Variants in NUP205 observed in about 807,000 individuals in gnomAD.
NUP205 encodes the protein nucleoporin 205, also known as nuclear pore complex protein Nup205.
In NUP205, 76 loss-of-function variants were observed where a neutral mutation model predicts 253.8. That is an observed-to-expected ratio of 0.30 (90% CI 0.25 to 0.36). The LOEUF (loss-of-function observed/expected upper bound fraction) is 0.36. NUP205 is among the 10% of genes least tolerant of loss of function. The probability of loss-of-function intolerance (pLI) is 1.00; values close to 1 mark genes in which losing one functional copy is unlikely to be tolerated. For missense variants in NUP205, 2,162 were observed against 2,425.5 expected (o/e 0.89, Z 2.28); for synonymous variants, 832 against 850.1 (o/e 0.98, Z 0.37).
intron 17 of NUP205, among the ~76,000 whole-genome samples, chr7:135,602,041 C>T (rs945530763): frequency 5.9e-5 from 9 of 152,192 alleles, no homozygotes; most frequent in African/African-American, 2.2e-4. Flanking sequence ...CGAAGTTATA[C>T]TGGCTTTCCC....
chr7:135,562,322 T>C (rs62479497), intron 1 of NUP205, among the ~76,000 whole-genome samples: 41,771 of 151,546 alleles, frequency 0.28, 6,269 homozygotes, highest in East Asian at 0.56. Context: ...TTAGCCTCCC[T>C]AAGTAGCTGG....
rs558348118 is a variant in NUP205, at chr7:135,638,454, T to C, written c.5266-103T>C. The C allele has an allele frequency of 1.6e-4, 177 of 1,091,830 alleles. 3 individuals carry two copies. In the East Asian group the frequency reaches 4.1e-3, roughly 25 times the overall value. 67.6% of individuals were successfully genotyped at this position (1,091,830 alleles called of 1,614,324 possible). ...AAAAGAATACACAGATGTGAGTCAT[T>C]TTACAAATTGATTGATAACCTTTTC... On this transcript the variant is annotated intron_variant, in intron 37 of 42. Coordinates refer to ENST00000285968, the MANE Select transcript of NUP205 (RefSeq NM_015135.3).
intron 2 of NUP205, among the ~76,000 whole-genome samples, chr7:135,572,487 C>T (rs1806024132): frequency 6.6e-6 from 1 of 152,124 alleles, no homozygotes; most frequent in African/African-American, 2.4e-5. Flanking sequence ...AAATTCTTTG[C>T]AATAGCAATA....
chr7:135,585,061 T>C lies in NUP205; in HGVS notation c.1218+54T>C. On this transcript the variant is annotated intron_variant, in intron 8 of 42. Transcript: ENST00000285968. The stretch of plus-strand genomic sequence containing the variant: ...TAGTAGAAGAATTTTATAAAATAAT[T>C]TAAAACTGATTAACCAGCTTTATGT... The C allele has an allele frequency of 2.2e-6, 3 of 1,376,512 alleles. No individual in the cohort carries two copies. In the Admixed American group the frequency reaches 7.1e-5, roughly 32 times the overall value. 85.3% of individuals were successfully genotyped at this position (1,376,512 alleles called of 1,614,324 possible). A position where few individuals can be genotyped will look rare whatever the true frequency, so the allele number is the denominator to read the frequency against.
rs768279584 is a variant in NUP205, at chr7:135,617,244, C to T, written c.3687C>T (p.Val1229=). 1.2e-6 allele frequency: 2 copies of T among 1,612,986 alleles called. No homozygotes were observed. The highest frequency in any genetic ancestry group is 2.2e-5 in the East Asian group (1 of 44,862). The part of the protein sequence containing the change: ...KNLRGQTVCN[V]KLLHRVLVAE... ...TACGGGGACAGACAGTCTGCAATGT[C>T]AAGGTGAGGATTGCTTTAAAGTACA... Residue 1229 remains valine, a synonymous_variant, in exon 26 of 43, where the codon GTC becomes GTT. Transcript: ENST00000285968.
rs773603397 is a variant in NUP205, at chr7:135,619,495, C to G, written c.4036C>G (p.Leu1346Val). ...AGAVFTLTAH[L>V]SQAVLTEQKE... ...GGCAGTGTTCACACTGACTGCTCACCTAAGCCAGGCCGTCCTCACTGAACA... is the reference window on the plus strand; with the variant it reads ...GGCAGTGTTCACACTGACTGCTCACGTAAGCCAGGCCGTCCTCACTGAACA... Residue 1346 changes from leucine (L) to valine (V), a missense_variant, in exon 29 of 43, where the codon CTA becomes GTA. Leu to Val is a conservative substitution (Grantham distance 32, BLOSUM62 1). Transcript: ENST00000285968. The G allele has an allele frequency of 6.2e-7, 1 of 1,614,052 alleles. No individual in the cohort carries two copies. The highest frequency in any genetic ancestry group is 1.7e-4 in the Middle Eastern group (1 of 5,960).
chr7:135,619,946 A>G (rs1486474893), intron 30 of NUP205, 58 bp downstream of exon 30: 1 of 957,834 alleles, frequency 1.0e-6, no homozygotes, highest in Non-Finnish European at 1.5e-6. Flanking sequence ...CTTTAAATTG[A>G]AAAAAAAAAT....
intron 7 of NUP205, among the ~76,000 whole-genome samples, chr7:135,583,019 G>A (rs1806350327): frequency 6.6e-6 from 1 of 152,180 alleles, no homozygotes; most frequent in African/African-American, 2.4e-5. Context: ...GAACCTGGGA[G>A]GCGGAGGTTG....
intron 6 of NUP205, 64 bp from the exon 7 acceptor site, chr7:135,578,687 C>G: frequency 1.7e-6 from 2 of 1,180,632 alleles, no homozygotes; most frequent in Non-Finnish European, 2.4e-6. Context: ...GGATATTATT[C>G]CTGTGTATCA....
chr7:135,625,374 T>C lies in NUP205; in HGVS notation c.4671+19T>C, dbSNP rs762234923. 1 of 1,538,882 alleles carries C rather than the reference T, an allele frequency of 6.5e-7. No individual in the cohort carries two copies. Among genetic ancestry groups the C allele is most frequent in the African/African-American group, 1.4e-5 (1 of 71,660 alleles). ...TAAAATGGTAAGGCTTTCTAGACAT[T>C]TGATGTTAGATCAAGAAGTCGTTTT... On this transcript the variant is annotated intron_variant, in intron 32 of 42. Coordinates refer to ENST00000285968, the MANE Select transcript of NUP205 (RefSeq NM_015135.3).
intron 20 of NUP205, among the ~76,000 whole-genome samples, chr7:135,606,477 C>T (rs1311357084): frequency 6.6e-6 from 1 of 152,146 alleles, no homozygotes. Flanking sequence ...TTGGATTATA[C>T]ATCAACCTGT....
At chr7:135,621,412 A>G (rs1400067100) in intron 30 of NUP205, among the ~76,000 whole-genome samples, 1 of 152,216 alleles carries the variant, frequency 6.6e-6, no homozygotes, top group African/African-American at 2.4e-5. Context: ...CATTCCATTT[A>G]GTTGAATTGG....
At chr7:135,558,354 C>A in intron 1 of NUP205, 1 of 271,974 alleles carries the variant, frequency 3.7e-6, no homozygotes, top group South Asian at 4.4e-5. Context: ...TATTTTCCAG[C>A]CATGAGCAGA....
At chr7:135,647,444 G>A (rs1795032430) in intron 42 of NUP205, among the ~76,000 whole-genome samples, 1 of 152,212 alleles carries the variant, frequency 6.6e-6, no homozygotes, top group African/African-American at 2.4e-5. Flanking sequence ...TTGTGGCTAG[G>A]CTTGTTTAGG....
Position 135,558,322 on chromosome 7 carries a change from A to G in NUP205, c.28+350A>G, listed in dbSNP as rs189015109. 55 of 321,294 alleles carry G rather than the reference A, an allele frequency of 1.7e-4. No individual in the cohort carries two copies. The East Asian group carries it at 3.3e-3, about 19-fold the overall frequency. 19.9% of individuals were successfully genotyped at this position (321,294 alleles called of 1,614,324 possible). ...CTGGAATACGCATCAGGTCTTCCAC[A>G]GTGAAGCCAGAGGACCCGAGATATT... is the stretch of plus-strand genomic sequence containing the variant. On this transcript the variant is annotated intron_variant, in intron 1 of 42. Transcript: ENST00000285968.
rs556590172 is a variant in NUP205 at position 135,618,876 on chromosome 7, G to A, written c.3963+273G>A. Among the ~76,000 whole-genome samples, 3 of 152,032 alleles carry A rather than the reference G, an allele frequency of 2.0e-5. No homozygotes were observed. In the East Asian group the frequency reaches 5.8e-4, roughly 29 times the overall value. On this transcript the variant is annotated intron_variant, in intron 28 of 42. Transcript: ENST00000285968. Reference sequence around the variant, plus strand: ...TGAATGTAGTGGTGAGACCATTTATGTGAATTTCAAAAAGAAAACCTCCCT... The same window carrying A: ...TGAATGTAGTGGTGAGACCATTTATATGAATTTCAAAAAGAAAACCTCCCT...
Position 135,628,097 on chromosome 7 carries a change from C to A in NUP205, c.4918C>A (p.Gln1640Lys). The A allele has an allele frequency of 6.2e-7, 1 of 1,608,612 alleles. No individual in the cohort carries two copies. Among genetic ancestry groups the A allele is most frequent in the South Asian group, 1.1e-5 (1 of 90,486 alleles). ...ILTSSMAQHL[Q>K]AAGQVLQFLI... ...CACATCTAGTATGGCCCAGCACTTG[C>A]AGGCAGCAGGGCAGGTAAGGTGAAC... The change falls in exon 34 of 43, where the codon CAG (glutamine) becomes AAG (lysine). Residue 1640 changes from glutamine (Q) to lysine (K), a missense_variant. By Grantham distance (53) the Gln-to-Lys change is moderately conservative. Around this residue, in one of 5 missense-constraint regions of NUP205, gnomAD observed 1,144 missense variants for 1,280.9 expected, o/e 0.89. Transcript: ENST00000285968.
Position 135,606,843 on chromosome 7 carries a change from C to G in NUP205, c.2998C>G (p.Pro1000Ala), listed in dbSNP as rs145706574. The G allele has an allele frequency of 6.2e-7, 1 of 1,613,942 alleles. No homozygotes were observed. The highest frequency in any genetic ancestry group is 1.3e-5 in the African/African-American group (1 of 75,048). Reference sequence around the variant, plus strand: ...CATTACCTCTCTGGAATGCAATCCACCCAATCTTGCTCTCTACCTGTTGGG... The same window carrying G: ...CATTACCTCTCTGGAATGCAATCCAGCCAATCTTGCTCTCTACCTGTTGGG... ...LLITSLECNPPNLALYLLGFE... is the reference protein window; with the variant it reads ...LLITSLECNPANLALYLLGFE... Residue 1000 changes from proline to alanine, a missense_variant, in exon 21 of 43, where the codon CCC becomes GCC. Transcript: ENST00000285968.
rs756811893 is a variant in NUP205 at position 135,577,886 on chromosome 7, C to G, written c.739C>G (p.Leu247Val). The change falls in exon 6 of 43, where the codon CTC becomes GTC. Residue 247 changes from leucine to valine, a missense_variant. By Grantham distance (32) the Leu-to-Val change is conservative (BLOSUM62 1). Around this residue, in one of 5 missense-constraint regions of NUP205, gnomAD observed 892 missense variants for 957.1 expected, o/e 0.93. Transcript: ENST00000285968. Reference protein sequence around the residue: ...CQSPLGKEDTLLLIGHLERVT... With the variant: ...CQSPLGKEDTVLLIGHLERVT... ...GTCACCTTTAGGCAAAGAAGACACTCTCCTCCTCATTGGACATTTGGAAAG... is the reference window on the plus strand; with the variant it reads ...GTCACCTTTAGGCAAAGAAGACACTGTCCTCCTCATTGGACATTTGGAAAG... 6.2e-7 allele frequency: 1 copy of G among 1,614,072 alleles called. No homozygotes were observed. Among genetic ancestry groups the G allele is most frequent in the African/African-American group, 1.3e-5 (1 of 75,026 alleles).
Sources: gnomAD v4.1 joint callset for allele counts (sites outside exome capture counted in the v4.1 genomes callset) on GRCh38, gnomAD v4.1.1 for gene constraint, gnomAD v4.1.1 regional missense constraint, MANE v1.5 for transcripts, NCBI Gene and HGNC (gene_info 2026-07-23, HGNC 2026-07-21) for gene names.